B4GALNT3: variants seen among roughly 807,000 people sequenced by gnomAD.
B4GALNT3 encodes the protein beta-1,4-N-acetyl-galactosaminyltransferase 3, also known as beta-1,4-N-acetylgalactosaminyltransferase 3.
A neutral mutation model predicts 120.2 loss-of-function variants in B4GALNT3; 86 were observed. That is an observed-to-expected ratio of 0.72 (90% CI 0.60 to 0.86). The LOEUF is 0.86. B4GALNT3 is among the 40% of genes least tolerant of loss of function. B4GALNT3 has a pLI of 0.00. For synonymous variants in B4GALNT3, 518 were observed against 510.4 expected, an observed-to-expected ratio of 1.01 and a Z score of -0.20; for missense variants, 1,167 against 1,298.9, an observed-to-expected ratio of 0.90 and a Z score of 1.56.
At chr12:512,312 TTCC>T (rs1946590000) in intron 1 of B4GALNT3, among the ~76,000 whole-genome samples, 1 of 99,530 alleles carries the variant, frequency 1.0e-5, no homozygotes, top group Non-Finnish European at 1.8e-5. Context: ...TTCCACCTTC[TTCC>T]ACCTTCCACC....
At chr12:500,113 A>G (rs1270232854) in intron 1 of B4GALNT3, among the ~76,000 whole-genome samples, 3 of 151,262 alleles carry the variant, frequency 2.0e-5, no homozygotes, top group Non-Finnish European at 4.4e-5. Context: ...CAGCAGATGC[A>G]CAAACTTTTA....
In B4GALNT3 at chr12:548,344, C is replaced by T. The variant is rs149065903; in HGVS notation, c.853+47C>T. 7.6e-3 allele frequency: 11,908 copies of T among 1,572,340 alleles called. 50 individuals carry two copies. Among genetic ancestry groups the T allele is most frequent in the South Asian group, 0.01 (918 of 90,172 alleles). Reference sequence around the variant, plus strand: ...CCTGGAGATGGAGGCCAGGTGGGGACAGCCTACCCTGGGGGATTTGGCAGG... The same window carrying T: ...CCTGGAGATGGAGGCCAGGTGGGGATAGCCTACCCTGGGGGATTTGGCAGG... On this transcript the variant is annotated intron_variant, in intron 9 of 19. Transcript: ENST00000266383. This position sits in a 1 kb window ranked among gnomAD's most constrained non-coding sequence, Gnocchi z 4.9.
intron 1 of B4GALNT3, among the ~76,000 whole-genome samples, chr12:502,330 G>C (rs1239181565): frequency 6.6e-6 from 1 of 152,204 alleles, no homozygotes; most frequent in African/African-American, 2.4e-5. Flanking sequence ...TGGAGCAACT[G>C]TCGTAGTTAA....
chr12:514,846 T>C (rs891730696), intron 1 of B4GALNT3, among the ~76,000 whole-genome samples: 1 of 151,912 alleles, frequency 6.6e-6, no homozygotes, highest in Admixed American at 6.6e-5. Flanking sequence ...CTGGCCAACA[T>C]GGTGAAACCT....
intron 1 of B4GALNT3, among the ~76,000 whole-genome samples, chr12:511,426 C>CGCCTTCG (rs1946556086): frequency 1.0e-5 from 1 of 98,314 alleles, no homozygotes. Flanking sequence ...TTCCACCTTC[C>CGCCTTCG]ACCTTCTTCC....
rs374504842 is a variant in B4GALNT3 at position 523,517 on chromosome 12, A to C, written c.170-11649A>C. Among the ~76,000 whole-genome samples, 11 of 152,248 alleles carry C rather than the reference A, an allele frequency of 7.2e-5. No individual in the cohort carries two copies. The South Asian group carries it at 1.9e-3, about 26-fold the overall frequency. ...TAGGCTCAGCCAGCGTCCTCCCCGG[A>C]ATACTCTACCTGCAGCTCACTTAAC... On this transcript the variant is annotated intron_variant, in intron 1 of 19. Transcript: ENST00000266383.
Position 553,438 on chromosome 12 carries a change from C to T in B4GALNT3, c.1515C>T (p.His505=), listed in dbSNP as rs2120727179. The T allele has an allele frequency of 6.2e-7, 1 of 1,614,152 alleles. No individual in the cohort carries two copies. The highest frequency in any genetic ancestry group is 2.2e-5 in the East Asian group (1 of 44,886). The change falls in exon 14 of 20, where the codon CAC becomes CAT. Residue 505 remains histidine (H), a synonymous_variant. Transcript: ENST00000266383. ...STASFPGRTS[H]IPVQQPEKRK... ...CGTCCTTCCCAGGGAGGACCAGCCACATTCCAGTGCAGCAGCCAGAGAAGA... is the reference window on the plus strand; with the variant it reads ...CGTCCTTCCCAGGGAGGACCAGCCATATTCCAGTGCAGCAGCCAGAGAAGA...
At position 552,062 on chromosome 12, in the gene B4GALNT3, G is replaced by C; in HGVS notation, c.1108-1G>C. ...CCTGCTGCTGATTTTTCCACTTCCA[G>C]GTTCATCTGTCTTTTGTTTACCCCA... On this transcript the variant is annotated splice_acceptor_variant, in intron 11 of 19. Coordinates refer to ENST00000266383, the MANE Select transcript of B4GALNT3 (RefSeq NM_173593.4). LOFTEE classifies it high-confidence loss of function. 2 of 1,597,634 alleles carry C rather than the reference G, an allele frequency of 1.3e-6. No individual in the cohort carries two copies. Among genetic ancestry groups the C allele is most frequent in the Non-Finnish European group, 1.7e-6 (2 of 1,165,164 alleles).
chr12:494,007 T>C (rs1311843461), intron 1 of B4GALNT3, among the ~76,000 whole-genome samples: 1 of 152,166 alleles, frequency 6.6e-6, no homozygotes, highest in Non-Finnish European at 1.5e-5. Context: ...CAGTGGCTCA[T>C]GCTTGTAATC....
At chr12:559,216 G>A in intron 18 of B4GALNT3, 79 bp from the exon 19 acceptor site, 3 of 1,584,260 alleles carry the variant, frequency 1.9e-6, no homozygotes, top group African/African-American at 2.7e-5. Context: ...AGAGCCTCTA[G>A]GCACACAGCC....
At chr12:518,027 C>T (rs997941963) in intron 1 of B4GALNT3, among the ~76,000 whole-genome samples, 3 of 152,164 alleles carry the variant, frequency 2.0e-5, no homozygotes, top group East Asian at 1.9e-4. Context: ...TCAGTTTTAT[C>T]GTTAGGAAAA....
At chr12:503,670 T>A (rs1946465093) in intron 1 of B4GALNT3, among the ~76,000 whole-genome samples, 1 of 152,214 alleles carries the variant, frequency 6.6e-6, no homozygotes, top group African/African-American at 2.4e-5. Flanking sequence ...CTGTTTACCA[T>A]ACAGATAAGC....
At chr12:501,571 ACT>A (rs1379134982) in intron 1 of B4GALNT3, among the ~76,000 whole-genome samples, 4 of 152,076 alleles carry the variant, frequency 2.6e-5, no homozygotes, top group African/African-American at 9.7e-5. Flanking sequence ...ATAGAGTGAG[ACT>A]CTGTCTCAAA....
At chr12:502,972 T>C (rs575861511) in intron 1 of B4GALNT3, among the ~76,000 whole-genome samples, 1 of 152,240 alleles carries the variant, frequency 6.6e-6, no homozygotes, top group South Asian at 2.1e-4. Context: ...TTGTCCAGGC[T>C]GGTCTCGAAC....
At chr12:505,136 C>T (rs1946484266) in intron 1 of B4GALNT3, among the ~76,000 whole-genome samples, 1 of 152,200 alleles carries the variant, frequency 6.6e-6, no homozygotes, top group Non-Finnish European at 1.5e-5. Flanking sequence ...TTGTGATCTG[C>T]CTGCCTTGGC....
In B4GALNT3 at chr12:548,171, C is replaced by T. The variant is rs946286762; in HGVS notation, c.787-60C>T. 17 of 1,607,212 alleles carry T rather than the reference C, an allele frequency of 1.1e-5. No homozygotes were observed. In the Admixed American group the frequency reaches 2.8e-4, roughly 27 times the overall value. ...CACTCATCTCCCCTTGTCCCTTGAC[C>T]CCTGTTGGAAATCCAGCTACCTCCC... On this transcript the variant is annotated intron_variant, in intron 8 of 19. Coordinates refer to ENST00000266383, the MANE Select transcript of B4GALNT3 (RefSeq NM_173593.4). This position sits in a 1 kb window ranked among gnomAD's most constrained non-coding sequence, Gnocchi z 4.9.
intron 1 of B4GALNT3, among the ~76,000 whole-genome samples, chr12:531,257 G>A (rs1050301431): frequency 6.6e-6 from 1 of 151,718 alleles, no homozygotes; most frequent in Admixed American, 6.6e-5. Context: ...GAGGGTGGGG[G>A]GCAAAGAGCA....
intron 1 of B4GALNT3, among the ~76,000 whole-genome samples, chr12:513,259 C>A (rs1432085616): frequency 6.6e-6 from 1 of 151,922 alleles, no homozygotes; most frequent in Non-Finnish European, 1.5e-5. Context: ...GAATTGAGGG[C>A]AAATCTGTAG....
At chr12:554,109 C>G in intron 14 of B4GALNT3, 126 bp downstream of exon 14, 1 of 670,838 alleles carries the variant, frequency 1.5e-6, no homozygotes, top group Non-Finnish European at 2.5e-6. Context: ...ACTTTGCCCC[C>G]GACTCAGGCT....
Sources: allele counts gnomAD v4.1 joint callset (sites outside exome capture counted in the v4.1 genomes callset), GRCh38; gene constraint gnomAD v4.1.1; non-coding constraint Gnocchi (gnomAD v3.1); transcripts MANE v1.5; gene names NCBI Gene and HGNC (gene_info 2026-07-23, HGNC 2026-07-21).